The following KLHL4 variants were observed in gnomAD, a reference collection of about 807,000 sequenced individuals.
KLHL4 encodes kelch-like protein 4.
A neutral mutation model predicts 45.8 loss-of-function variants in KLHL4; 17 were observed. The ratio of observed to expected loss-of-function variants is 0.37; its 90% CI spans 0.25 to 0.56. The LOEUF (loss-of-function observed/expected upper bound fraction) is 0.56. KLHL4 is among the 20% of genes least tolerant of loss of function. The pLI is 0.79. For synonymous variants in KLHL4, 224 were observed against 189.9 expected (o/e 1.18, Z -1.47); for missense variants, 544 against 544.9 (o/e 1.00, Z 0.02).
At chrX:87,625,903 A>G in intron 6 of KLHL4, 107 bp downstream of exon 6, 1 of 578,848 alleles carries the variant, frequency 1.7e-6, no homozygotes, top group Middle Eastern at 4.3e-4. Flanking sequence ...CCTAAAGTGA[A>G]TTTTCATAAA....
chrX:87,635,093 G>A (rs1211079771), intron 8 of KLHL4, among the ~76,000 whole-genome samples: 1 of 111,827 alleles, frequency 8.9e-6, no homozygotes, highest in African/African-American at 3.2e-5. Flanking sequence ...TTCCTTAGTT[G>A]TTTATTAAGC....
At chrX:87,613,538 C>T (rs568359176) in intron 1 of KLHL4, among the ~76,000 whole-genome samples, 2 of 111,149 alleles carry the variant, frequency 1.8e-5, no homozygotes, top group African/African-American at 6.5e-5. Context: ...TGCCTATTGA[C>T]GTAATTATAA....
intron 1 of KLHL4, among the ~76,000 whole-genome samples, chrX:87,520,556 G>A (rs1930979572): frequency 8.9e-6 from 1 of 112,460 alleles, no homozygotes; most frequent in Non-Finnish European, 1.9e-5. Context: ...CATTGTTAAA[G>A]TTATGTTGAC....
At chrX:87,541,864 C>A (rs936025019) in intron 1 of KLHL4, among the ~76,000 whole-genome samples, 1 of 111,418 alleles carries the variant, frequency 9.0e-6, no homozygotes, top group East Asian at 2.8e-4. Flanking sequence ...TTGGAACTTC[C>A]TAGAGACTTG....
At chrX:87,613,810 A>T in intron 1 of KLHL4, 67 bp from the exon 2 acceptor site, 1 of 837,958 alleles carries the variant, frequency 1.2e-6, no homozygotes, top group Non-Finnish European at 1.6e-6. Flanking sequence ...TACTCTCATT[A>T]GAGAAAAATT....
intron 10 of KLHL4, 58 bp from the exon 11 acceptor site, chrX:87,666,412 ATATTT>A (rs1380950009): frequency 9.5e-7 from 1 of 1,050,132 alleles, no homozygotes; most frequent in Non-Finnish European, 1.3e-6. Context: ...ATTGAATATA[ATATTT>A]TATATTATGC....
chrX:87,630,717 T>C (rs1923068961), intron 6 of KLHL4, among the ~76,000 whole-genome samples: 1 of 112,107 alleles, frequency 8.9e-6, no homozygotes, highest in South Asian at 3.7e-4. Flanking sequence ...CAGTATACTA[T>C]GGCAGTAAAC....
Position 87,643,097 on chromosome X carries a change from G to A in KLHL4, c.1925+7322G>A, listed in dbSNP as rs1368402647. On this transcript the variant is annotated intron_variant, in intron 9 of 10. Coordinates refer to ENST00000373119, the MANE Select transcript of KLHL4 (RefSeq NM_019117.5). ...GATCAGAGCAGAACTAAATGAAATT[G>A]AAACCAAAAAAATACAAAAGATAAA... Among the ~76,000 whole-genome samples the A allele has an allele frequency of 4.5e-5, 5 of 111,289 alleles. No homozygotes were observed. In the East Asian group the frequency reaches 1.4e-3, roughly 31 times the overall value.
chrX:87,663,913 G>T (rs149596815), intron 9 of KLHL4, among the ~76,000 whole-genome samples: 1 of 111,572 alleles, frequency 9.0e-6, no homozygotes, highest in Non-Finnish European at 1.9e-5. Context: ...TATATCAGTG[G>T]AAAGTGATAA....
intron 9 of KLHL4, 132 bp from the exon 10 acceptor site, chrX:87,664,632 A>G (rs1018614718): frequency 4.9e-5 from 22 of 449,789 alleles, no homozygotes; most frequent in Non-Finnish European, 7.0e-5. Context: ...ATATTATCCA[A>G]TCTACATTTG....
intron 9 of KLHL4, among the ~76,000 whole-genome samples, chrX:87,659,354 G>C (rs1325915518): frequency 1.8e-5 from 2 of 109,583 alleles, no homozygotes; most frequent in Admixed American, 9.8e-5. Context: ...TCCTGATCTT[G>C]TGATCCACCC....
intron 1 of KLHL4, among the ~76,000 whole-genome samples, chrX:87,546,561 A>AC (rs1373359330): frequency 8.9e-6 from 1 of 112,372 alleles, no homozygotes; most frequent in Non-Finnish European, 1.9e-5. Flanking sequence ...TGGAGCCCTC[A>AC]CACAGAGTCC....
chrX:87,590,994 G>T (rs1393776100), intron 1 of KLHL4, among the ~76,000 whole-genome samples: 1 of 111,560 alleles, frequency 9.0e-6, no homozygotes, highest in Non-Finnish European at 1.9e-5. Context: ...TCTCTTTTTG[G>T]ATATGTACTC....
At chrX:87,566,295 A>T (rs1451535578) in intron 1 of KLHL4, among the ~76,000 whole-genome samples, 1 of 111,368 alleles carries the variant, frequency 9.0e-6, no homozygotes, top group African/African-American at 3.3e-5. Context: ...CATAAAAATC[A>T]TCCCTCATGA....
intron 1 of KLHL4, among the ~76,000 whole-genome samples, chrX:87,549,521 G>A (rs1415642962): frequency 9.0e-6 from 1 of 111,305 alleles, no homozygotes; most frequent in African/African-American, 3.2e-5. Context: ...TGTATGTTAG[G>A]TCACAAAATA....
At position 87,613,862 on chromosome X, in the gene KLHL4, T is replaced by G. The variant is rs1922462340; in HGVS notation, c.423-15T>G. 1.8e-6 allele frequency: 2 copies of G among 1,137,116 alleles called. No individual in the cohort carries two copies. The highest frequency in any genetic ancestry group is 3.7e-5 in the African/African-American group (2 of 54,752). 93.7% of individuals were successfully genotyped at this position (1,137,116 alleles called of 1,213,427 possible). A position where few individuals can be genotyped will look rare whatever the true frequency, so the allele number is the denominator to read the frequency against. On this transcript the variant is annotated splice_polypyrimidine_tract_variant and intron_variant, in intron 1 of 10. Transcript: ENST00000373119. ...TATATGATGAACCATATTCTCATCCTTACTTCCTTTTCAGATTAGATACAC... is the reference window on the plus strand; with the variant it reads ...TATATGATGAACCATATTCTCATCCGTACTTCCTTTTCAGATTAGATACAC...
intron 1 of KLHL4, among the ~76,000 whole-genome samples, chrX:87,522,062 T>C (rs755680122): frequency 7.1e-5 from 8 of 112,856 alleles, no homozygotes; most frequent in Admixed American, 1.9e-4. Context: ...TTGTAGGTCT[T>C]CATCCTCAAC....
chrX:87,632,627 C>T (rs1445465219), intron 7 of KLHL4, among the ~76,000 whole-genome samples, 193 bp downstream of exon 7: 1 of 111,419 alleles, frequency 9.0e-6, no homozygotes, highest in African/African-American at 3.3e-5. Flanking sequence ...TGATTCCCTT[C>T]CACCAGTATT....
chrX:87,616,662 C>T (rs915436433), intron 3 of KLHL4, among the ~76,000 whole-genome samples: 3 of 111,505 alleles, frequency 2.7e-5, no homozygotes, highest in African/African-American at 6.5e-5. Context: ...CCTACTGTAT[C>T]GAAGACATTT....
Sources: gnomAD v4.1 joint callset for allele counts (sites outside exome capture counted in the v4.1 genomes callset) on GRCh38, gnomAD v4.1.1 for gene constraint, MANE v1.5 for transcripts, NCBI Gene and HGNC (gene_info 2026-07-23, HGNC 2026-07-21) for gene names.